Variants in RBFOX1 observed in about 807,000 individuals in gnomAD.
The protein encoded by RBFOX1 is RNA binding protein fox-1 homolog 1.
A neutral mutation model predicts 57.7 loss-of-function variants in RBFOX1; 8 were observed. The ratio of observed to expected loss-of-function variants is 0.14; its 90% CI spans 0.08 to 0.25. The LOEUF is 0.25. Among genes scored for constraint, RBFOX1 ranks in the 10% least tolerant of loss-of-function variants. The pLI is 1.00. For missense variants in RBFOX1, 611 were observed against 548.5 expected, an observed-to-expected ratio of 1.11 and a Z score of -1.14; for synonymous variants, 326 against 222.4, an observed-to-expected ratio of 1.47 and a Z score of -4.15.
chr16:6,350,444 G>GAAAAAAAA (rs569363563), intron 2 of RBFOX1, among the ~76,000 whole-genome samples: 5 of 74,618 alleles, frequency 6.7e-5, no homozygotes, highest in Non-Finnish European at 1.2e-4. Flanking sequence ...TCTGTCTCAA[G>GAAAAAAAA]AAAAAAAAAA....
intron 1 of RBFOX1, among the ~76,000 whole-genome samples, chr16:5,397,691 G>C (rs901761048): frequency 6.6e-5 from 10 of 152,200 alleles, no homozygotes; most frequent in Admixed American, 4.6e-4. Flanking sequence ...TCACCCAAAT[G>C]CTACGTGGAC....
intron 2 of RBFOX1, among the ~76,000 whole-genome samples, chr16:6,505,902 C>T (rs762686840): frequency 6.6e-6 from 1 of 152,134 alleles, no homozygotes; most frequent in African/African-American, 2.4e-5. Flanking sequence ...TGACAGAGAA[C>T]CTGTTACCTA....
chr16:5,902,706 G>A (rs2058334241), intron 4 of RBFOX1, among the ~76,000 whole-genome samples: 5 of 152,086 alleles, frequency 3.3e-5, no homozygotes, highest in South Asian at 4.2e-4. Flanking sequence ...ATGAGCCACC[G>A]TGCCCGGCCT....
At chr16:6,281,849 C>T (rs1342435408) in intron 1 of RBFOX1, among the ~76,000 whole-genome samples, 2 of 152,082 alleles carry the variant, frequency 1.3e-5, no homozygotes, top group African/African-American at 4.8e-5. Context: ...AATCCCGCTG[C>T]CACTCTGACT....
chr16:7,611,057 C>T (rs994495479), intron 10 of RBFOX1, among the ~76,000 whole-genome samples: 15 of 152,266 alleles, frequency 9.9e-5, no homozygotes, highest in South Asian at 6.2e-4. Flanking sequence ...AGTCATTTCT[C>T]TATATAAGGT....
chr16:6,821,826 T>A (rs117837883), intron 3 of RBFOX1, among the ~76,000 whole-genome samples: 3 of 152,338 alleles, frequency 2.0e-5, no homozygotes, highest in African/African-American at 7.2e-5. Context: ...GATGCTGTTA[T>A]GAACATGAAG....
chr16:6,499,621 C>G (rs2095860012), intron 2 of RBFOX1, among the ~76,000 whole-genome samples: 1 of 152,036 alleles, frequency 6.6e-6, no homozygotes, highest in South Asian at 2.1e-4. Context: ...GCTTAAAAAT[C>G]AGTAGGGCAT....
At chr16:6,963,587 G>T (rs2083460122) in intron 3 of RBFOX1, among the ~76,000 whole-genome samples, 1 of 152,128 alleles carries the variant, frequency 6.6e-6, no homozygotes, top group African/African-American at 2.4e-5. Flanking sequence ...TCAACTATAG[G>T]CCATCCTAGA....
intron 5 of RBFOX1, among the ~76,000 whole-genome samples, chr16:7,564,418 G>A (rs2091189972): frequency 6.6e-6 from 1 of 151,972 alleles, no homozygotes; most frequent in East Asian, 2.0e-4. Flanking sequence ...CCAGACACCT[G>A]TAATCTCAAG....
At chr16:6,734,292 T>A (rs1281447486) in intron 3 of RBFOX1, among the ~76,000 whole-genome samples, 1 of 152,202 alleles carries the variant, frequency 6.6e-6, no homozygotes, top group Non-Finnish European at 1.5e-5. Context: ...AGGGCTGGTA[T>A]AGAGATATTT....
At chr16:6,886,762 CA>C (rs147801011) in intron 3 of RBFOX1, among the ~76,000 whole-genome samples, 842 of 39,752 alleles carry the variant, frequency 0.021, 9 homozygotes, top group African/African-American at 0.045. Flanking sequence ...CTGAAAAAAA[CA>C]AAAACAAAAC....
At chr16:6,017,979 T>C (rs888268374), upstream of RBFOX1, among the ~76,000 whole-genome samples, 1 of 152,206 alleles carries the variant, frequency 6.6e-6, no homozygotes, top group Non-Finnish European at 1.5e-5. Flanking sequence ...GAATCTGGCC[T>C]TGTCCAATGC....
intron 1 of RBFOX1, among the ~76,000 whole-genome samples, chr16:6,078,357 G>T (rs570287751): frequency 6.6e-6 from 1 of 152,124 alleles, no homozygotes; most frequent in Non-Finnish European, 1.5e-5. Context: ...TTTGAATGTT[G>T]TCCAACAATA....
chr16:5,511,621 G>C (rs1321922263), intron 2 of RBFOX1, among the ~76,000 whole-genome samples: 1 of 151,982 alleles, frequency 6.6e-6, no homozygotes, highest in Non-Finnish European at 1.5e-5. Flanking sequence ...ATAACTTTTT[G>C]AGTAGGTTCC....
chr16:5,718,502 G>A (rs1485524174), intron 3 of RBFOX1, among the ~76,000 whole-genome samples: 1 of 152,224 alleles, frequency 6.6e-6, no homozygotes, highest in Non-Finnish European at 1.5e-5. Context: ...TGAAGGCTGG[G>A]CTATTGTGAA....
chr16:5,291,184 C>G (rs1342067885), intron 1 of RBFOX1, among the ~76,000 whole-genome samples: 2 of 152,092 alleles, frequency 1.3e-5, no homozygotes, highest in African/African-American at 4.8e-5. Context: ...CCCAGCTTCC[C>G]CACTGGTGAA....
intron 3 of RBFOX1, among the ~76,000 whole-genome samples, chr16:6,749,421 C>G (rs972775367): frequency 2.0e-5 from 3 of 152,192 alleles, no homozygotes; most frequent in African/African-American, 7.2e-5. Flanking sequence ...CTGGTTCTTG[C>G]TGTTACGGTC....
chr16:7,282,073 T>C (rs902892066), intron 4 of RBFOX1, among the ~76,000 whole-genome samples: 9 of 152,036 alleles, frequency 5.9e-5, no homozygotes, highest in Non-Finnish European at 1.2e-4. Flanking sequence ...TTCTATTTGT[T>C]GCCCAAGCTC....
At chr16:5,839,447 G>A (rs904088647) in intron 3 of RBFOX1, among the ~76,000 whole-genome samples, 1 of 152,076 alleles carries the variant, frequency 6.6e-6, no homozygotes, top group Non-Finnish European at 1.5e-5. Context: ...GGCATTATCT[G>A]GTCCTGATTC....
Sources: gnomAD v4.1 joint callset for allele counts (sites outside exome capture counted in the v4.1 genomes callset) on GRCh38, gnomAD v4.1.1 for gene constraint, MANE v1.5 for transcripts, NCBI Gene and HGNC (gene_info 2026-07-23, HGNC 2026-07-21) for gene names.